The following SPON1 variants were observed in gnomAD, a reference collection of about 807,000 sequenced individuals.
The protein encoded by SPON1 is spondin-1.
A neutral mutation model predicts 111.7 loss-of-function variants in SPON1; 52 were observed. The ratio of observed to expected loss-of-function variants is 0.47; its 90% CI spans 0.37 to 0.59. The LOEUF (loss-of-function observed/expected upper bound fraction) is 0.59. Among genes scored for constraint, SPON1 ranks in the 20% least tolerant of loss-of-function variants. SPON1 has a pLI of 0.00. For missense variants in SPON1, 957 were observed against 1,068.5 expected, an observed-to-expected ratio of 0.90 and a Z score of 1.46; for synonymous variants, 410 against 395.8, an observed-to-expected ratio of 1.04 and a Z score of -0.43.
intron 6 of SPON1, among the ~76,000 whole-genome samples, chr11:14,222,769 T>A (rs1028140753): frequency 1.3e-5 from 2 of 152,098 alleles, no homozygotes; most frequent in Non-Finnish European, 2.9e-5. Context: ...AGAAAAAAAA[T>A]TAAGCCCTGA....
At chr11:14,212,703 G>C (rs949023626) in intron 6 of SPON1, among the ~76,000 whole-genome samples, 2 of 152,138 alleles carry the variant, frequency 1.3e-5, no homozygotes, top group African/African-American at 4.8e-5. Flanking sequence ...ATATTACACT[G>C]TTCTCTTTCC....
At position 14,007,975 on chromosome 11, in the gene SPON1, A is replaced by G. The variant is rs897501263; in HGVS notation, c.345+25022A>G. ...AAGGCTTCCAGATAGTCTAGAATAA[A>G]CATCTCCTCTCAAGATCCTTAAATA... On this transcript the variant is annotated intron_variant, in intron 2 of 15. Coordinates refer to ENST00000576479, the MANE Select transcript of SPON1 (RefSeq NM_006108.4). Among the ~76,000 whole-genome samples, 3 of 152,140 alleles carry G rather than the reference A, an allele frequency of 2.0e-5. No individual in the cohort carries two copies. In the South Asian group the frequency reaches 6.2e-4, roughly 32 times the overall value.
chr11:14,128,982 G>A (rs1330165320), intron 5 of SPON1, among the ~76,000 whole-genome samples: 1 of 152,244 alleles, frequency 6.6e-6, no homozygotes, highest in Non-Finnish European at 1.5e-5. Flanking sequence ...ATGTCCCAAG[G>A]CTGCACAGAC....
chr11:13,962,932 C>T lies in SPON1; in HGVS notation c.28C>T (p.Leu10=), dbSNP rs1284694018. 8.3e-6 allele frequency: 13 copies of T among 1,568,206 alleles called. No individual in the cohort carries two copies. Among genetic ancestry groups the T allele is most frequent in the Non-Finnish European group, 1.1e-5 (13 of 1,160,260 alleles). MRLSPAPLK[L]SRTPALLALA... ...GAGGCTGTCCCCGGCGCCCCTGAAGCTGAGCCGGACTCCGGCACTGCTGGC... is the reference window on the plus strand; with the variant it reads ...GAGGCTGTCCCCGGCGCCCCTGAAGTTGAGCCGGACTCCGGCACTGCTGGC... The change falls in exon 1 of 16, where the codon CTG becomes TTG. Residue 10 remains leucine, a synonymous_variant. Coordinates refer to ENST00000576479, the MANE Select transcript of SPON1 (RefSeq NM_006108.4).
chr11:13,994,968 TTTTC>T (rs1163576594), intron 2 of SPON1, among the ~76,000 whole-genome samples: 1 of 152,210 alleles, frequency 6.6e-6, no homozygotes. Flanking sequence ...ATATACAGTG[TTTTC>T]TTTCTTTCAT....
At chr11:13,982,553 G>A (rs1554909787) in intron 1 of SPON1, among the ~76,000 whole-genome samples, 1 of 152,154 alleles carries the variant, frequency 6.6e-6, no homozygotes, top group East Asian at 1.9e-4. Flanking sequence ...TTCTGACCAG[G>A]GACTATCTTT....
intron 6 of SPON1, among the ~76,000 whole-genome samples, chr11:14,140,974 A>C (rs1475369610): frequency 3.3e-5 from 5 of 151,380 alleles, no homozygotes; most frequent in African/African-American, 1.2e-4. Context: ...CTCATGCCCT[A>C]TTCACAAACA....
chr11:14,157,471 A>G (rs578131160), intron 6 of SPON1, among the ~76,000 whole-genome samples: 33 of 151,350 alleles, frequency 2.2e-4, no homozygotes, highest in Admixed American at 3.9e-4. Context: ...TTTTGTCTTT[A>G]TCTCTGATTG....
intron 2 of SPON1, among the ~76,000 whole-genome samples, chr11:13,984,504 G>A (rs1473638324): frequency 2.6e-5 from 4 of 152,124 alleles, no homozygotes; most frequent in African/African-American, 2.4e-5. Context: ...GAGAGCAAGA[G>A]GGGTCCAAAC....
chr11:14,257,467 G>A (rs530788896), intron 10 of SPON1, among the ~76,000 whole-genome samples: 29 of 152,310 alleles, frequency 1.9e-4, no homozygotes, highest in Admixed American at 5.9e-4. Flanking sequence ...ATGAGAAGAC[G>A]TTCATGTGTT....
At chr11:14,227,711 G>C (rs1848755413) in intron 6 of SPON1, among the ~76,000 whole-genome samples, 1 of 152,120 alleles carries the variant, frequency 6.6e-6, no homozygotes, top group South Asian at 2.1e-4. Flanking sequence ...AGGCCTGTAA[G>C]GTAGATTATT....
At chr11:14,251,958 T>C (rs1443184525) in intron 7 of SPON1, among the ~76,000 whole-genome samples, 1 of 152,244 alleles carries the variant, frequency 6.6e-6, no homozygotes, top group Non-Finnish European at 1.5e-5. Context: ...TGCAATACTT[T>C]AGCAGTTTAT....
At chr11:13,976,926 A>G (rs1484318048) in intron 1 of SPON1, among the ~76,000 whole-genome samples, 10 of 152,144 alleles carry the variant, frequency 6.6e-5, no homozygotes, top group African/African-American at 2.4e-4. Context: ...TTTGAGCTTT[A>G]TGTAAATATA....
intron 2 of SPON1, among the ~76,000 whole-genome samples, chr11:13,999,911 G>A (rs782654835): frequency 5.3e-5 from 8 of 152,082 alleles, no homozygotes; most frequent in Non-Finnish European, 1.2e-4. Flanking sequence ...GGTGTTGGCT[G>A]GAGGAAGTAA....
chr11:14,103,082 C>A (rs1301771573), intron 5 of SPON1, among the ~76,000 whole-genome samples: 1 of 152,072 alleles, frequency 6.6e-6, no homozygotes, highest in Non-Finnish European at 1.5e-5. Context: ...AAGGCCAAAT[C>A]CTAGGTGGTG....
intron 5 of SPON1, among the ~76,000 whole-genome samples, chr11:14,112,437 C>T: frequency 6.6e-6 from 1 of 152,206 alleles, no homozygotes; most frequent in East Asian, 1.9e-4. Context: ...CCACTTATTA[C>T]CTGCAAGAGG....
At chr11:14,044,773 A>G (rs1294947178) in intron 3 of SPON1, among the ~76,000 whole-genome samples, 1 of 152,182 alleles carries the variant, frequency 6.6e-6, no homozygotes, top group Non-Finnish European at 1.5e-5. Context: ...TTCCTGTGGG[A>G]ATTTAAGGTT....
At chr11:14,194,476 G>T (rs1368416940) in intron 6 of SPON1, among the ~76,000 whole-genome samples, 1 of 151,936 alleles carries the variant, frequency 6.6e-6, no homozygotes, top group Non-Finnish European at 1.5e-5. Context: ...ACCCTCAAGT[G>T]GGAGAATGCT....
chr11:14,026,990 G>C (rs577582498), intron 2 of SPON1, among the ~76,000 whole-genome samples: 18 of 152,300 alleles, frequency 1.2e-4, no homozygotes, highest in African/African-American at 4.1e-4. Flanking sequence ...CCACTCTGCA[G>C]TCTCTGGGAG....
Sources: allele counts gnomAD v4.1 joint callset (sites outside exome capture counted in the v4.1 genomes callset), GRCh38; gene constraint gnomAD v4.1.1; transcripts MANE v1.5; gene names NCBI Gene and HGNC (gene_info 2026-07-23, HGNC 2026-07-21).